Variants in UGT1A7 observed in about 807,000 individuals in gnomAD.
UGT1A7 encodes the protein UDP glucuronosyltransferase family 1 member A7, also known as UDP-glucuronosyltransferase 1A7.
Under a neutral mutation model 45.6 loss-of-function variants are expected in UGT1A7, and 33 were observed. The ratio of observed to expected loss-of-function variants is 0.72; its 90% CI spans 0.55 to 0.97. The LOEUF (loss-of-function observed/expected upper bound fraction) is 0.97, where lower values mean the gene tolerates loss of function less well. UGT1A7 is among the 50% of genes least tolerant of loss of function. The pLI is 0.00. For synonymous variants in UGT1A7, 274 were observed against 250.6 expected (o/e 1.09, Z -0.88); for missense variants, 684 against 666.2 (o/e 1.03, Z -0.29).
At chr2:233,684,767 A>C (rs1046318119) in intron 1 of UGT1A7, among the ~76,000 whole-genome samples, 1 of 152,300 alleles carries the variant, frequency 6.6e-6, no homozygotes, top group East Asian at 1.9e-4. Context: ...TCAGATCATA[A>C]AGAGTGCCCT....
chr2:233,755,144 C>T (rs1040517387), intron 1 of UGT1A7: 11 of 1,304,848 alleles, frequency 8.4e-6, no homozygotes, highest in African/African-American at 7.5e-5. Flanking sequence ...ATCTTCTCAC[C>T]GCTTCCTCCC....
chr2:233,698,592 A>T (rs1559349856), intron 1 of UGT1A7, among the ~76,000 whole-genome samples: 1 of 152,200 alleles, frequency 6.6e-6, no homozygotes, highest in Non-Finnish European at 1.5e-5. Flanking sequence ...TAATCCAAGA[A>T]ATTCGGATTA....
Position 233,739,559 on chromosome 2 carries a change from G to A in UGT1A7, c.856-27475G>A, listed in dbSNP as rs1322307786. On this transcript the variant is annotated intron_variant, in intron 1 of 4. Coordinates refer to ENST00000373426, the MANE Select transcript of UGT1A7 (RefSeq NM_019077.3). ...TTTGGAGCTTTAAGATTTAATGACTGCCCTGCCTGGTTTTGGACTTGCATG... is the reference window on the plus strand; with the variant it reads ...TTTGGAGCTTTAAGATTTAATGACTACCCTGCCTGGTTTTGGACTTGCATG... 2.6e-5 allele frequency among the ~76,000 whole-genome samples: 4 copies of A among 152,224 alleles called. No homozygotes were observed. In the South Asian group the frequency reaches 8.3e-4, roughly 31 times the overall value.
chr2:233,746,329 G>C (rs1693363946), intron 1 of UGT1A7, among the ~76,000 whole-genome samples: 1 of 151,754 alleles, frequency 6.6e-6, no homozygotes, highest in Admixed American at 6.5e-5. Context: ...GATCTACAGG[G>C]CAATGGACAT....
chr2:233,690,040 GC>G, intron 1 of UGT1A7: 1 of 416,166 alleles, frequency 2.4e-6, no homozygotes, highest in South Asian at 1.8e-5. Context: ...TGGGCCCAGA[GC>G]ATTCTGACTT....
intron 1 of UGT1A7, among the ~76,000 whole-genome samples, chr2:233,699,170 C>G (rs1397049882): frequency 6.6e-6 from 1 of 152,190 alleles, no homozygotes; most frequent in Non-Finnish European, 1.5e-5. Context: ...GTCTGTCTCT[C>G]TGATCCTCAC....
At chr2:233,686,738 C>T (rs887887511) in intron 1 of UGT1A7, among the ~76,000 whole-genome samples, 2 of 152,214 alleles carry the variant, frequency 1.3e-5, no homozygotes, top group Admixed American at 6.5e-5. Context: ...AACCTCTTGC[C>T]TTCCCTAGCC....
chr2:233,702,349 GTT>G (rs545005076), intron 1 of UGT1A7, among the ~76,000 whole-genome samples: 1 of 151,098 alleles, frequency 6.6e-6, no homozygotes, highest in Admixed American at 6.6e-5. Context: ...TGTTCTAATA[GTT>G]TTTTTTTAGT....
intron 1 of UGT1A7, chr2:233,691,974 T>A (rs2075070882): frequency 3.3e-5 from 5 of 152,254 alleles, no homozygotes; most frequent in Admixed American, 3.3e-4. Context: ...TCCCTTTCGA[T>A]CACACCTAAG....
chr2:233,684,327 C>T (rs1050842248), intron 1 of UGT1A7, among the ~76,000 whole-genome samples: 10 of 152,156 alleles, frequency 6.6e-5, no homozygotes, highest in Admixed American at 3.9e-4. Context: ...AGTTGTAGGA[C>T]GCTAAGAGGA....
chr2:233,719,580 G>A (rs369777528), intron 1 of UGT1A7: 53 of 1,613,798 alleles, frequency 3.3e-5, no homozygotes, highest in East Asian at 4.5e-5. Flanking sequence ...CTATGCATCC[G>A]TGTGGCTGTT....
At chr2:233,698,965 A>G (rs2075473391) in intron 1 of UGT1A7, among the ~76,000 whole-genome samples, 1 of 152,180 alleles carries the variant, frequency 6.6e-6, no homozygotes, top group Admixed American at 6.5e-5. Context: ...GCCCTTGGGG[A>G]AGCCCTTTGG....
chr2:233,715,554 T>C (rs952173326), intron 1 of UGT1A7, among the ~76,000 whole-genome samples: 2 of 152,138 alleles, frequency 1.3e-5, no homozygotes, highest in African/African-American at 2.4e-5. Context: ...GGAGGATTGC[T>C]TGAGCCCAGG....
At chr2:233,712,851 A>G in intron 1 of UGT1A7, 1 of 1,539,628 alleles carries the variant, frequency 6.5e-7, no homozygotes, top group East Asian at 2.4e-5. Context: ...ACGGGTAATA[A>G]GTAACTGGAG....
intron 1 of UGT1A7, among the ~76,000 whole-genome samples, chr2:233,687,844 G>C (rs925197846): frequency 2.0e-5 from 3 of 152,152 alleles, no homozygotes; most frequent in Admixed American, 6.5e-5. Context: ...GGAGGTTAAG[G>C]CTGCAGTAAG....
chr2:233,720,021 T>A (rs1332952782), intron 1 of UGT1A7, among the ~76,000 whole-genome samples: 2 of 151,934 alleles, frequency 1.3e-5, no homozygotes, highest in African/African-American at 4.8e-5. Context: ...CATCCTGGGG[T>A]TTTTGCTTGC....
intron 1 of UGT1A7, among the ~76,000 whole-genome samples, chr2:233,731,771 A>T (rs1045763879): frequency 6.6e-6 from 1 of 152,184 alleles, no homozygotes; most frequent in Non-Finnish European, 1.5e-5. Flanking sequence ...TTAGAGTAGT[A>T]TCATTTATAA....
chr2:233,731,059 T>C (rs1284464869), intron 1 of UGT1A7, among the ~76,000 whole-genome samples: 2 of 152,240 alleles, frequency 1.3e-5, no homozygotes, highest in African/African-American at 2.4e-5. Flanking sequence ...TGTATGAACT[T>C]CCATGATTTA....
chr2:233,761,598 A>G (rs1310966456), intron 1 of UGT1A7, among the ~76,000 whole-genome samples: 2 of 152,232 alleles, frequency 1.3e-5, no homozygotes, highest in African/African-American at 4.8e-5. Flanking sequence ...TTAAAGCTCC[A>G]GTTTCTAAAT....
Sources: allele counts gnomAD v4.1 joint callset (sites outside exome capture counted in the v4.1 genomes callset), GRCh38; gene constraint gnomAD v4.1.1; transcripts MANE v1.5; gene names NCBI Gene and HGNC (gene_info 2026-07-23, HGNC 2026-07-21).